SV2B: variants seen among roughly 807,000 people sequenced by gnomAD.
SV2B encodes the protein solute carrier family 22 member B2.
SV2B carries 41 observed loss-of-function variants against 73.9 expected under a neutral mutation model. The ratio of observed to expected loss-of-function variants is 0.56; its 90% CI spans 0.43 to 0.72. The LOEUF (loss-of-function observed/expected upper bound fraction) is 0.72. SV2B is among the 30% of genes least tolerant of loss of function. The pLI is 0.00. For synonymous variants in SV2B, 314 were observed against 314.2 expected (o/e 1.00, Z 0.01); for missense variants, 764 against 857.8 (o/e 0.89, Z 1.37).
At chr15:91,153,768 A>AT (rs71154179) in intron 1 of SV2B, among the ~76,000 whole-genome samples, 42,053 of 151,862 alleles carry the variant, frequency 0.28, 6,487 homozygotes, top group East Asian at 0.66. Context: ...TCAAGTGGTA[A>AT]AGTCAGGCTG....
rs2049458505 is a variant in SV2B, at chr15:91,302,007, C to G, written c.*9455C>G. On this transcript the variant is annotated 3_prime_UTR_variant, in exon 13 of 13. Transcript: ENST00000394232. ...CCACCAAACCTCTTCCAAAAGAAGC[C>G]AGGGTCATCTGCTGCAGATGTTTCT... Among the ~76,000 whole-genome samples, 1 of 152,158 alleles carries G rather than the reference C, an allele frequency of 6.6e-6. No individual in the cohort carries two copies. Among genetic ancestry groups the G allele is most frequent in the African/African-American group, 2.4e-5 (1 of 41,436 alleles).
In SV2B at chr15:91,239,024, A is replaced by C. The variant is rs1225631323; in HGVS notation, c.451+12310A>C. Among the ~76,000 whole-genome samples, 3 of 152,186 alleles carry C rather than the reference A, an allele frequency of 2.0e-5. No homozygotes were observed. Among genetic ancestry groups the C allele is most frequent in the Non-Finnish European group, 4.4e-5 (3 of 68,038 alleles). Reference sequence around the variant, plus strand: ...TCAGATGAACTGATTTTCACTTTGCAAAGGTTTGATTTTAATTTCAGAGAA... The same window carrying C: ...TCAGATGAACTGATTTTCACTTTGCCAAGGTTTGATTTTAATTTCAGAGAA... On this transcript the variant is annotated intron_variant, in intron 2 of 12. Coordinates refer to ENST00000394232, the MANE Select transcript of SV2B (RefSeq NM_001323032.3). The surrounding 1 kb of genome is among the most constrained non-coding windows in gnomAD (Gnocchi z 5.1).
chr15:91,266,784 C>A, intron 7 of SV2B, 92 bp downstream of exon 7: 2 of 1,020,460 alleles, frequency 2.0e-6, no homozygotes, highest in Non-Finnish European at 2.8e-6. Context: ...AACATCCCCA[C>A]CAACCTGGGC....
At chr15:91,250,218 A>G (rs564090057) in intron 2 of SV2B, among the ~76,000 whole-genome samples, 2 of 152,356 alleles carry the variant, frequency 1.3e-5, no homozygotes, top group South Asian at 2.1e-4. Context: ...ACATATGCAA[A>G]TCAATAAATG....
intron 1 of SV2B, among the ~76,000 whole-genome samples, chr15:91,162,907 C>T (rs12593523): frequency 0.38 from 57,081 of 148,468 alleles, 11,569 homozygotes; most frequent in East Asian, 0.7. Context: ...TCTCCTAATG[C>T]TATCCCTCCC....
chr15:91,291,147 A>G (rs1213313647), intron 12 of SV2B, among the ~76,000 whole-genome samples: 3 of 149,690 alleles, frequency 2.0e-5, no homozygotes, highest in Admixed American at 6.7e-5. Context: ...CTAATTTTGG[A>G]TAAGAAGATT....
At chr15:91,238,515 A>G (rs1039938516) in intron 2 of SV2B, among the ~76,000 whole-genome samples, 3 of 152,246 alleles carry the variant, frequency 2.0e-5, no homozygotes, top group Admixed American at 6.5e-5. Flanking sequence ...CGCATTACAC[A>G]TATAACCTTA....
intron 1 of SV2B, among the ~76,000 whole-genome samples, chr15:91,133,664 G>C (rs536313542): frequency 6.6e-6 from 1 of 152,248 alleles, no homozygotes; most frequent in South Asian, 2.1e-4. Flanking sequence ...CTGCTGTCTG[G>C]AGTCTGCAAC....
rs1468967764 is a variant in SV2B at position 91,240,483 on chromosome 15, C to T, written c.452-11336C>T. ...TTACTGATGAACAAGAGGTGTTAGT[C>T]CCTCCTGTCCTGTCATGGAGCCAAC... On this transcript the variant is annotated intron_variant, in intron 2 of 12. Coordinates refer to ENST00000394232, the MANE Select transcript of SV2B (RefSeq NM_001323032.3). This position sits in a 1 kb window ranked among gnomAD's most constrained non-coding sequence, Gnocchi z 4.6. 6.6e-6 allele frequency among the ~76,000 whole-genome samples: 1 copy of T among 152,044 alleles called. No individual in the cohort carries two copies. Among genetic ancestry groups the T allele is most frequent in the Non-Finnish European group, 1.5e-5 (1 of 68,018 alleles).
At chr15:91,274,278 T>A (rs1286056542) in intron 9 of SV2B, among the ~76,000 whole-genome samples, 1 of 152,248 alleles carries the variant, frequency 6.6e-6, no homozygotes, top group African/African-American at 2.4e-5. Flanking sequence ...TAATTTGCAC[T>A]CTCACCAGTA....
At chr15:91,184,408 C>T (rs1295935262) in intron 1 of SV2B, among the ~76,000 whole-genome samples, 1 of 152,154 alleles carries the variant, frequency 6.6e-6, no homozygotes, top group Admixed American at 6.5e-5. Context: ...CTTACCTGGA[C>T]ATCATAAATT....
Position 91,284,344 on chromosome 15 carries a change from G to A in SV2B, c.1708+123G>A, listed in dbSNP as rs945086505. ...CTTGCACAACAAACCCAACAAGTAA[G>A]ATTGCACCCAGGGCTATAGAGCCAA... On this transcript the variant is annotated intron_variant, in intron 11 of 12. Coordinates refer to ENST00000394232, the MANE Select transcript of SV2B (RefSeq NM_001323032.3). The surrounding 1 kb of genome is among the most constrained non-coding windows in gnomAD (Gnocchi z 4.5). The A allele has an allele frequency of 9.1e-7, 1 of 1,094,020 alleles. No homozygotes were observed. The allele number at this position is 1,094,020 out of a possible 1,614,324, so 67.8% of individuals were successfully genotyped here. A position where few individuals can be genotyped will look rare whatever the true frequency, so the allele number is the denominator to read the frequency against.
chr15:91,189,482 G>A (rs1006896172), intron 1 of SV2B, among the ~76,000 whole-genome samples: 2 of 151,966 alleles, frequency 1.3e-5, no homozygotes, highest in Non-Finnish European at 2.9e-5. Flanking sequence ...ATTTATATAT[G>A]TATATATGTA....
intron 5 of SV2B, among the ~76,000 whole-genome samples, chr15:91,259,595 G>GTA (rs1178516518): frequency 6.6e-6 from 1 of 152,198 alleles, no homozygotes; most frequent in Non-Finnish European, 1.5e-5. Flanking sequence ...TCAGAGGCTT[G>GTA]AAGTCCCAAA....
intron 1 of SV2B, among the ~76,000 whole-genome samples, chr15:91,178,577 A>G (rs1373237702): frequency 3.3e-5 from 5 of 152,264 alleles, no homozygotes; most frequent in Middle Eastern, 3.4e-3. Context: ...AGATCCTGTT[A>G]TTGGTTGATT....
At chr15:91,117,593 T>C (rs1364214657) in intron 1 of SV2B, among the ~76,000 whole-genome samples, 1 of 152,188 alleles carries the variant, frequency 6.6e-6, no homozygotes, top group African/African-American at 2.4e-5. Flanking sequence ...GACATATTCT[T>C]CTCCTTCTTC....
chr15:91,248,979 G>A (rs1596685891), intron 2 of SV2B, among the ~76,000 whole-genome samples: 1 of 151,856 alleles, frequency 6.6e-6, no homozygotes, highest in East Asian at 1.9e-4. Context: ...CCCTCTCCCT[G>A]CTTTCAGTTT....
chr15:91,204,309 C>G (rs1483421958), intron 1 of SV2B, among the ~76,000 whole-genome samples: 1 of 152,036 alleles, frequency 6.6e-6, no homozygotes, highest in African/African-American at 2.4e-5. Flanking sequence ...TAACTCAGTT[C>G]CTTGGTTGCA....
chr15:91,285,883 G>C (rs1416390116), intron 11 of SV2B, among the ~76,000 whole-genome samples: 1 of 152,150 alleles, frequency 6.6e-6, no homozygotes, highest in Non-Finnish European at 1.5e-5. Context: ...TGGGGTGGGG[G>C]TGTGGCTGGG....
Sources: allele counts gnomAD v4.1 joint callset (sites outside exome capture counted in the v4.1 genomes callset), GRCh38; gene constraint gnomAD v4.1.1; non-coding constraint Gnocchi (gnomAD v3.1); transcripts MANE v1.5; gene names NCBI Gene and HGNC (gene_info 2026-07-23, HGNC 2026-07-21).